Variants in MGMT observed in about 807,000 individuals in gnomAD.
The protein encoded by MGMT is O-6-methylguanine-DNA methyltransferase.
Under a neutral mutation model 15.9 loss-of-function variants are expected in MGMT, and 14 were observed. The ratio of observed to expected loss-of-function variants is 0.88; its 90% confidence interval spans 0.58 to 1.37. The LOEUF is 1.37. Among genes scored for constraint, MGMT ranks in the 40% most tolerant of loss-of-function variants. The pLI, the probability that MGMT is intolerant of heterozygous loss-of-function variation, is 0.00. For missense variants in MGMT, 282 were observed against 268.1 expected, an observed-to-expected ratio of 1.05 and a Z score of -0.36; for synonymous variants, 130 against 118.2, an observed-to-expected ratio of 1.10 and a Z score of -0.65.
chr10:129,687,814 A>G (rs1322485060), intron 2 of MGMT, among the ~76,000 whole-genome samples: 3 of 151,714 alleles, frequency 2.0e-5, no homozygotes, highest in East Asian at 3.9e-4. Flanking sequence ...CATCACTTAC[A>G]TTAGGTATAT....
At chr10:129,502,101 T>G (rs1014569885) in intron 1 of MGMT, among the ~76,000 whole-genome samples, 1 of 152,318 alleles carries the variant, frequency 6.6e-6, no homozygotes, top group African/African-American at 2.4e-5. Context: ...TGGTGGTGGT[T>G]GTTACTGCAG....
At chr10:129,531,549 G>A (rs768106296) in intron 1 of MGMT, among the ~76,000 whole-genome samples, 7 of 152,092 alleles carry the variant, frequency 4.6e-5, no homozygotes, top group Non-Finnish European at 8.8e-5. Flanking sequence ...CCTGGGCATC[G>A]CATCAGAGAC....
At chr10:129,582,723 A>G (rs1415433878) in intron 2 of MGMT, among the ~76,000 whole-genome samples, 1 of 152,114 alleles carries the variant, frequency 6.6e-6, no homozygotes, top group African/African-American at 2.4e-5. Context: ...CCCTTCGGAT[A>G]AAGCATCATG....
At chr10:129,591,344 G>A (rs1386276840) in intron 2 of MGMT, among the ~76,000 whole-genome samples, 1 of 152,196 alleles carries the variant, frequency 6.6e-6, no homozygotes, top group East Asian at 1.9e-4. Flanking sequence ...CTCAGGCTGT[G>A]GTCCACTCGT....
At chr10:129,682,910 G>A (rs879537729) in intron 2 of MGMT, among the ~76,000 whole-genome samples, 14 of 152,158 alleles carry the variant, frequency 9.2e-5, no homozygotes, top group African/African-American at 2.4e-4. Flanking sequence ...GTGCAGTGGC[G>A]CAGTCTTGGC....
chr10:129,478,340 A>G (rs1047793791), intron 1 of MGMT, among the ~76,000 whole-genome samples: 4 of 152,198 alleles, frequency 2.6e-5, no homozygotes, highest in Non-Finnish European at 5.9e-5. Context: ...TCTCAGAACC[A>G]TACTCTTTGC....
At chr10:129,495,204 A>G (rs1489785677) in intron 1 of MGMT, among the ~76,000 whole-genome samples, 6 of 152,194 alleles carry the variant, frequency 3.9e-5, no homozygotes, top group Admixed American at 3.9e-4. Flanking sequence ...GAGACTAATT[A>G]TTTGAATTCA....
chr10:129,635,398 C>T (rs962593036), intron 2 of MGMT, among the ~76,000 whole-genome samples: 4 of 152,256 alleles, frequency 2.6e-5, no homozygotes, highest in African/African-American at 9.6e-5. Context: ...CTGTGTGCCC[C>T]TCCGGGTGCC....
intron 1 of MGMT, among the ~76,000 whole-genome samples, chr10:129,499,475 GT>G (rs1196768939): frequency 6.6e-6 from 1 of 152,122 alleles, no homozygotes; most frequent in Non-Finnish European, 1.5e-5. Context: ...CTCTACTGTT[GT>G]TATGTGAAGA....
At chr10:129,512,576 G>C (rs1248418426) in intron 1 of MGMT, among the ~76,000 whole-genome samples, 2 of 152,132 alleles carry the variant, frequency 1.3e-5, no homozygotes, top group Non-Finnish European at 2.9e-5. Flanking sequence ...GTAAGGATTA[G>C]AGAAGAGGAA....
intron 3 of MGMT, among the ~76,000 whole-genome samples, chr10:129,716,004 G>A (rs998003223): frequency 9.2e-5 from 14 of 152,246 alleles, no homozygotes; most frequent in African/African-American, 2.6e-4. Context: ...TGTAGCTTCT[G>A]AGGCCGCGTG....
intron 3 of MGMT, among the ~76,000 whole-genome samples, chr10:129,747,113 T>C (rs912343650): frequency 2.6e-5 from 4 of 152,150 alleles, no homozygotes; most frequent in Non-Finnish European, 4.4e-5. Flanking sequence ...TATAGAAAGG[T>C]GATTGATTTT....
chr10:129,594,375 T>A (rs975258367), intron 2 of MGMT, among the ~76,000 whole-genome samples: 1 of 152,354 alleles, frequency 6.6e-6, no homozygotes, highest in African/African-American at 2.4e-5. Flanking sequence ...ATCAGAAGTT[T>A]CTTGGAAAGA....
At chr10:129,705,391 A>G (rs550935765) in intron 2 of MGMT, among the ~76,000 whole-genome samples, 169 of 152,362 alleles carry the variant, frequency 1.1e-3, no homozygotes, top group African/African-American at 4.0e-3. Flanking sequence ...AAGCCAAAGT[A>G]ATTTGTATCA....
chr10:129,655,867 C>T (rs1847519674), intron 2 of MGMT, among the ~76,000 whole-genome samples: 1 of 152,102 alleles, frequency 6.6e-6, no homozygotes. Flanking sequence ...CGCACAGTGT[C>T]CATATAGAGC....
intron 2 of MGMT, among the ~76,000 whole-genome samples, chr10:129,635,975 A>G (rs1272454415): frequency 6.6e-6 from 1 of 152,252 alleles, no homozygotes; most frequent in African/African-American, 2.4e-5. Flanking sequence ...GGCACTGGAA[A>G]ATTTACATAT....
intron 3 of MGMT, among the ~76,000 whole-genome samples, chr10:129,733,770 C>G (rs1589965342): frequency 6.6e-6 from 1 of 152,150 alleles, no homozygotes; most frequent in African/African-American, 2.4e-5. Context: ...TTTCAACTTT[C>G]TACATATGGC....
chr10:129,553,094 G>C (rs895199631), intron 2 of MGMT, among the ~76,000 whole-genome samples: 8 of 152,150 alleles, frequency 5.3e-5, no homozygotes, highest in African/African-American at 1.9e-4. Context: ...CCACCGCATG[G>C]AGTTTAATTT....
chr10:129,470,629 G>A (rs1711651), intron 1 of MGMT, among the ~76,000 whole-genome samples: 98,737 of 152,066 alleles, frequency 0.65, 32,931 homozygotes, highest in East Asian at 0.96. Context: ...GCTCGGTCCC[G>A]GCAGCAAAGC....
Sources: gnomAD v4.1 joint callset for allele counts (sites outside exome capture counted in the v4.1 genomes callset) on GRCh38, gnomAD v4.1.1 for gene constraint, MANE v1.5 for transcripts, NCBI Gene and HGNC (gene_info 2026-07-23, HGNC 2026-07-21) for gene names.